Variants in TGFBR3 observed in about 807,000 individuals in gnomAD.
The protein encoded by TGFBR3 is transforming growth factor beta receptor type 3.
Under a neutral mutation model 87.9 loss-of-function variants are expected in TGFBR3, and 46 were observed. That is an observed-to-expected ratio of 0.52 (90% confidence interval 0.41 to 0.67). The LOEUF is 0.67. Ranked by LOEUF, TGFBR3 falls within the 30% of genes least tolerant of loss-of-function variation. The probability of loss-of-function intolerance (pLI) is 0.00; values close to 1 mark genes in which losing one functional copy is unlikely to be tolerated. For synonymous variants in TGFBR3, 381 were observed against 391.6 expected, an observed-to-expected ratio of 0.97 and a Z score of 0.32; for missense variants, 866 against 1,041.9, an observed-to-expected ratio of 0.83 and a Z score of 2.32.
chr1:91,744,577 C>A (rs1673271504), intron 4 of TGFBR3, among the ~76,000 whole-genome samples: 1 of 151,872 alleles, frequency 6.6e-6, no homozygotes. Context: ...AAATCAATGT[C>A]AAGAAAACAT....
chr1:91,747,864 G>A lies in TGFBR3; in HGVS notation c.384+10749C>T, dbSNP rs147497474. Among the ~76,000 whole-genome samples, 676 of 152,350 alleles carry A rather than the reference G, an allele frequency of 4.4e-3. 6 individuals are homozygous for A. The highest frequency in any genetic ancestry group is 0.016 in the African/African-American group (649 of 41,584). On this transcript the variant is annotated intron_variant, in intron 4 of 16. Coordinates refer to ENST00000212355, the MANE Select transcript of TGFBR3 (RefSeq NM_003243.5). ...AGCGGCTTCCGCTCATGCCTGAGCT[G>A]CCCTTCCTGAAGGCCTCCCTGCGGA...
rs147230651 is a variant in TGFBR3 at position 91,813,187 on chromosome 1, T to C, written c.62-15716A>G. 8.5e-3 allele frequency among the ~76,000 whole-genome samples: 1,296 copies of C among 152,308 alleles called. 21 individuals carry two copies. The highest frequency in any genetic ancestry group is 0.029 in the African/African-American group (1,191 of 41,558). ...CACAAACCTGCTGTAAAACTGATAC[T>C]GTATCATAATATTAGTGACAATATT... On this transcript the variant is annotated intron_variant, in intron 2 of 16. Coordinates refer to ENST00000212355, the MANE Select transcript of TGFBR3 (RefSeq NM_003243.5).
At chr1:91,692,148 T>C (rs1042740791) in intron 16 of TGFBR3, among the ~76,000 whole-genome samples, 2 of 152,256 alleles carry the variant, frequency 1.3e-5, no homozygotes, top group Non-Finnish European at 1.5e-5. Context: ...GTCATAATAA[T>C]GTAAACAGTA....
chr1:91,737,018 GTAAT>G (rs944535044), intron 4 of TGFBR3, among the ~76,000 whole-genome samples: 21 of 152,328 alleles, frequency 1.4e-4, no homozygotes, highest in African/African-American at 4.8e-4. Flanking sequence ...GTGTCCTGAA[GTAAT>G]TAAAGAGCGA....
At chr1:91,809,406 G>GGGTCTGGGGTGC in intron 2 of TGFBR3, among the ~76,000 whole-genome samples, 1 of 152,230 alleles carries the variant, frequency 6.6e-6, no homozygotes, top group South Asian at 2.1e-4. Context: ...CTGGGGTGCA[G>GGGTCTGGGGTGC]AGTCTGAAGC....
At chr1:91,713,625 T>C (rs377394377) in intron 12 of TGFBR3, among the ~76,000 whole-genome samples, 1 of 152,194 alleles carries the variant, frequency 6.6e-6, no homozygotes, top group East Asian at 1.9e-4. Flanking sequence ...TGACATCACA[T>C]GGGGCTTTGA....
intron 1 of TGFBR3, among the ~76,000 whole-genome samples, chr1:91,869,734 T>C (rs1678516553): frequency 6.6e-6 from 1 of 152,226 alleles, no homozygotes; most frequent in Non-Finnish European, 1.5e-5. Context: ...ACAAGAGTTA[T>C]GTATAAGAAC....
At chr1:91,742,915 T>C (rs1484678131) in intron 4 of TGFBR3, among the ~76,000 whole-genome samples, 1 of 152,198 alleles carries the variant, frequency 6.6e-6, no homozygotes, top group East Asian at 1.9e-4. Context: ...TATAAGAACT[T>C]ACGGCTAGGC....
chr1:91,684,081 GCTGA>G (rs1042039632), intron 16 of TGFBR3, among the ~76,000 whole-genome samples: 1 of 152,210 alleles, frequency 6.6e-6, no homozygotes, highest in African/African-American at 2.4e-5. Flanking sequence ...AAAGAAGACA[GCTGA>G]CTGACAGGCA....
chr1:91,705,735 C>T (rs1671779661), intron 14 of TGFBR3, among the ~76,000 whole-genome samples: 1 of 152,204 alleles, frequency 6.6e-6, no homozygotes, highest in Non-Finnish European at 1.5e-5. Context: ...CCCTGGGAAG[C>T]TGGCCTACAG....
chr1:91,773,920 T>C (rs1282299932), intron 3 of TGFBR3, among the ~76,000 whole-genome samples: 3 of 152,216 alleles, frequency 2.0e-5, no homozygotes, highest in Non-Finnish European at 2.9e-5. Flanking sequence ...TTAAATAATG[T>C]TTGTTTTAGA....
rs574650768 is a variant in TGFBR3, at chr1:91,842,819, A to G, written c.61+18652T>C. 3.0e-4 allele frequency among the ~76,000 whole-genome samples: 46 copies of G among 152,350 alleles called. No individual in the cohort carries two copies. The South Asian group carries it at 8.1e-3, about 27-fold the overall frequency. On this transcript the variant is annotated intron_variant, in intron 2 of 16. Coordinates refer to ENST00000212355, the MANE Select transcript of TGFBR3 (RefSeq NM_003243.5). Reference sequence around the variant, plus strand: ...TCATCAAATCAAAGGAATAGGTATAATTAGCAGTATTGTATAGATAAGGCA... The same window carrying G: ...TCATCAAATCAAAGGAATAGGTATAGTTAGCAGTATTGTATAGATAAGGCA...
intron 2 of TGFBR3, among the ~76,000 whole-genome samples, chr1:91,846,271 A>G (rs1557741299): frequency 6.6e-6 from 1 of 152,330 alleles, no homozygotes; most frequent in East Asian, 1.9e-4. Flanking sequence ...TTTGCAAATA[A>G]TCTAACAATT....
At chr1:91,776,656 G>A (rs949476442) in intron 3 of TGFBR3, among the ~76,000 whole-genome samples, 1 of 152,174 alleles carries the variant, frequency 6.6e-6, no homozygotes, top group Non-Finnish European at 1.5e-5. Flanking sequence ...GATCAGTGTA[G>A]TGCCATTACC....
At position 91,766,932 on chromosome 1, in the gene TGFBR3, C is replaced by T. The variant is rs1674206993; in HGVS notation, c.247-8182G>A. Among the ~76,000 whole-genome samples, 6 of 133,074 alleles carry T rather than the reference C, an allele frequency of 4.5e-5. 1 individual carries two copies. Among genetic ancestry groups the T allele is most frequent in the Admixed American group, 2.3e-4 (3 of 13,148 alleles). 87.3% of individuals were successfully genotyped at this position (133,074 alleles called of 152,430 possible). ...TCCCACGACTTTACCCTGCACTCTT[C>T]GACCCATCAACAATCTCCATATTTC... On this transcript the variant is annotated intron_variant, in intron 3 of 16. Transcript: ENST00000212355.
intron 2 of TGFBR3, among the ~76,000 whole-genome samples, chr1:91,828,639 G>A (rs890833474): frequency 2.0e-5 from 3 of 152,204 alleles, no homozygotes; most frequent in African/African-American, 7.2e-5. Flanking sequence ...AGCTGTGAAA[G>A]GGTCCCTCTG....
At chr1:91,779,308 A>C (rs1191932538) in intron 3 of TGFBR3, among the ~76,000 whole-genome samples, 1 of 152,218 alleles carries the variant, frequency 6.6e-6, no homozygotes, top group Non-Finnish European at 1.5e-5. Context: ...GTCATGCTTT[A>C]ATTATTTAAT....
intron 2 of TGFBR3, among the ~76,000 whole-genome samples, chr1:91,853,803 G>T (rs1183252981): frequency 6.6e-6 from 1 of 152,196 alleles, no homozygotes; most frequent in Non-Finnish European, 1.5e-5. Flanking sequence ...CACAAGGTCA[G>T]GAGTTCGAGA....
At chr1:91,770,871 T>C (rs1010024384) in intron 3 of TGFBR3, 1 of 152,180 alleles carries the variant, frequency 6.6e-6, no homozygotes, top group African/African-American at 2.4e-5. Flanking sequence ...ATGTGTCCCA[T>C]GTATAGTGCG....
Sources: gnomAD v4.1 joint callset for allele counts (sites outside exome capture counted in the v4.1 genomes callset) on GRCh38, gnomAD v4.1.1 for gene constraint, MANE v1.5 for transcripts, NCBI Gene and HGNC (gene_info 2026-07-23, HGNC 2026-07-21) for gene names.